FAM83G: variants seen among roughly 807,000 people sequenced by gnomAD.
FAM83G encodes scaffolding CK1 anchoring protein G, also known as protein FAM83G.
A neutral mutation model predicts 61.5 loss-of-function variants in FAM83G; 38 were observed. The observed-to-expected ratio is 0.62, with a 90% CI of 0.48 to 0.81. The LOEUF is 0.81. Ranked by LOEUF, FAM83G falls within the 30% of genes least tolerant of loss-of-function variation. The pLI is 0.00. For missense variants in FAM83G, 989 were observed against 1,133.6 expected (o/e 0.87, Z 1.83); for synonymous variants, 470 against 476.1 (o/e 0.99, Z 0.17).
intron 3 of FAM83G, among the ~76,000 whole-genome samples, chr17:18,983,714 G>A (rs2043194691): frequency 6.6e-6 from 1 of 152,212 alleles, no homozygotes; most frequent in Non-Finnish European, 1.5e-5. Flanking sequence ...AGGGTGGAGA[G>A]GGGTGGTCAA....
chr17:18,977,285 A>G (rs2043004207), intron 5 of FAM83G: 1 of 579,130 alleles, frequency 1.7e-6, no homozygotes, highest in African/African-American at 1.9e-5. Flanking sequence ...CCCATCTGGC[A>G]GGTGCCATCA....
intron 5 of FAM83G, chr17:18,976,976 C>T (rs61738464): frequency 8.1e-5 from 131 of 1,612,712 alleles, no homozygotes; most frequent in African/African-American, 6.9e-4. Context: ...TGATCAGCCG[C>T]GCATTGTTCC....
At chr17:18,979,415 T>C in intron 4 of FAM83G, 134 bp downstream of exon 4, 1 of 1,065,306 alleles carries the variant, frequency 9.4e-7, no homozygotes, top group Non-Finnish European at 1.3e-6. Flanking sequence ...CGGGCAGATG[T>C]GCTCCAGCCC....
chr17:18,972,897 A>T (rs572301582), intron 5 of FAM83G, among the ~76,000 whole-genome samples: 3 of 150,990 alleles, frequency 2.0e-5, no homozygotes, highest in Admixed American at 1.3e-4. Flanking sequence ...ACAGACCCCA[A>T]CTAGGAGCTA....
At chr17:18,997,542 C>T (rs2043598383) in intron 2 of FAM83G, among the ~76,000 whole-genome samples, 1 of 152,220 alleles carries the variant, frequency 6.6e-6, no homozygotes, top group Non-Finnish European at 1.5e-5. Context: ...TTTAAAACCT[C>T]AGCTTCTCCA....
upstream of FAM83G, among the ~76,000 whole-genome samples, chr17:19,005,804 AG>A (rs1433360568): frequency 6.6e-6 from 1 of 152,164 alleles, no homozygotes; most frequent in Admixed American, 6.5e-5. Flanking sequence ...TCTGCCATAT[AG>A]CCCCCCAAGG....
At position 18,996,275 on chromosome 17, in the gene FAM83G, C is replaced by A. The variant is rs899241748; in HGVS notation, c.522+7245G>T. 1.3e-5 allele frequency among the ~76,000 whole-genome samples: 2 copies of A among 152,188 alleles called. No individual in the cohort carries two copies. The highest frequency in any genetic ancestry group is 4.8e-5 in the African/African-American group (2 of 41,436). On this transcript the variant is annotated intron_variant, in intron 2 of 5. Transcript: ENST00000388995. The surrounding 1 kb of genome is among the most constrained non-coding windows in gnomAD (Gnocchi z 4.4). Reference sequence around the variant, plus strand: ...AGACCCGCACTCCCTCCTCCAGCTGCAACCCCCTCCTCCAGCAGCACGGTT... The same window carrying A: ...AGACCCGCACTCCCTCCTCCAGCTGAAACCCCCTCCTCCAGCAGCACGGTT...
intron 3 of FAM83G, among the ~76,000 whole-genome samples, chr17:18,984,985 G>A (rs956786141): frequency 6.6e-6 from 1 of 152,238 alleles, no homozygotes; most frequent in Non-Finnish European, 1.5e-5. Context: ...CTCACCTGGG[G>A]ACCAGGAGTG....
chr17:19,003,661 GGAGCGGTCC>G lies in FAM83G; in HGVS notation c.372_380del (p.Asp125_Ser127del), dbSNP rs1485423175. 1 of 1,611,804 alleles carries G rather than the reference GGAGCGGTCC, an allele frequency of 6.2e-7. No individual in the cohort carries two copies. The highest frequency in any genetic ancestry group is 8.5e-7 in the Non-Finnish European group (1 of 1,179,414). On this transcript the variant is annotated inframe_deletion, in exon 2 of 6. Transcript: ENST00000388995. This position sits in a 1 kb window ranked among gnomAD's most constrained non-coding sequence, Gnocchi z 4.5. The stretch of plus-strand genomic sequence containing the variant: ...GCCAGCCCAGGTCCAGCTGCGGGAT[GGAGCGGTCC>G]GACTTCTGGGGCCAGTACTCCAGGG...
Position 18,994,188 on chromosome 17 carries a change from C to A in FAM83G, c.523-5774G>T, listed in dbSNP as rs1339416605. On this transcript the variant is annotated intron_variant, in intron 2 of 5. Transcript: ENST00000388995. ...GATGGAATAACAGAGACGGAATTCA[C>A]CCCCTGCCTTAGCAATAAAAAACCC... 3.9e-5 allele frequency among the ~76,000 whole-genome samples: 6 copies of A among 152,334 alleles called. No individual in the cohort carries two copies. In the South Asian group the frequency reaches 6.2e-4, roughly 16 times the overall value.
Position 18,977,026 on chromosome 17 carries a change from G to A in FAM83G, c.2082+558C>T, listed in dbSNP as rs781271717. 18 of 1,605,732 alleles carry A rather than the reference G, an allele frequency of 1.1e-5. No individual in the cohort carries two copies. The East Asian group carries it at 4.0e-4, about 36-fold the overall frequency. ...TCCGGGCACTGAACCCAGGCTGCAG[G>A]GCACCCAGGGTTCTGGGACCTTGTC... On this transcript the variant is annotated intron_variant, in intron 5 of 5. Transcript: ENST00000388995.
chr17:18,982,531 C>G (rs1351828679), intron 3 of FAM83G, among the ~76,000 whole-genome samples: 2 of 152,242 alleles, frequency 1.3e-5, no homozygotes, highest in African/African-American at 2.4e-5. Flanking sequence ...TTTGGACCCT[C>G]TGGGACCTCA....
intron 2 of FAM83G, among the ~76,000 whole-genome samples, chr17:18,997,391 C>T (rs891190388): frequency 1.8e-4 from 28 of 152,218 alleles, no homozygotes; most frequent in Non-Finnish European, 4.4e-5. Context: ...TCCCGCTGGC[C>T]GCAAGGAGCT....
Position 18,969,641 on chromosome 17 carries a change from G to A in FAM83G, c.*1718C>T, listed in dbSNP as rs535925613. 3.6e-5 allele frequency: 18 copies of A among 502,434 alleles called. No individual in the cohort carries two copies. The highest frequency in any genetic ancestry group is 2.4e-4 in the South Asian group (7 of 29,070). The allele number at this position is 502,434 out of a possible 1,614,324, so 31.1% of individuals were successfully genotyped here. On this transcript the variant is annotated 3_prime_UTR_variant, in exon 6 of 6. Transcript: ENST00000388995. ...TAGAGGCTACCCACCCTGCTGCCCC[G>A]CTGTTACCAGCTCTGGCCCTGGCAA...
At chr17:18,989,020 G>A (rs904402122) in intron 2 of FAM83G, among the ~76,000 whole-genome samples, 7 of 152,338 alleles carry the variant, frequency 4.6e-5, no homozygotes, top group South Asian at 2.1e-4. Context: ...GGCCCCAGTG[G>A]GGCTCAGTGA....
At position 19,004,644 on chromosome 17, in the gene FAM83G, C is replaced by A. The variant is rs1403159560; in HGVS notation, c.-129+65G>T. Reference sequence around the variant, plus strand: ...GAGGGGTCCAGGAGACCCAGAAACGCGGTTGCGGGGCGGCGACGCCCCGCG... The same window carrying A: ...GAGGGGTCCAGGAGACCCAGAAACGAGGTTGCGGGGCGGCGACGCCCCGCG... On this transcript the variant is annotated intron_variant, in intron 1 of 5. Transcript: ENST00000388995. This position sits in a 1 kb window ranked among gnomAD's most constrained non-coding sequence, Gnocchi z 5.4. 6.6e-6 allele frequency: 1 copy of A among 151,534 alleles called. No individual in the cohort carries two copies. Among genetic ancestry groups the A allele is most frequent in the Non-Finnish European group, 1.5e-5 (1 of 67,816 alleles). The allele number at this position is 151,534 out of a possible 1,614,324, so 9.4% of individuals were successfully genotyped here.
At chr17:18,972,867 T>TAAA (rs35947526) in intron 5 of FAM83G, among the ~76,000 whole-genome samples, 4 of 137,818 alleles carry the variant, frequency 2.9e-5, no homozygotes, top group African/African-American at 8.2e-5. Flanking sequence ...AGACTCCGTC[T>TAAA]AAAAAAAAAA....
At chr17:18,976,548 C>T (rs2042985008) in intron 5 of FAM83G, 1 of 362,676 alleles carries the variant, frequency 2.8e-6, no homozygotes, top group Non-Finnish European at 5.0e-6. Flanking sequence ...CCAGGGTCTC[C>T]TCCAGCCCTG....
intron 5 of FAM83G, chr17:18,975,905 T>C (rs2042964143): frequency 6.6e-6 from 1 of 151,864 alleles, no homozygotes; most frequent in Non-Finnish European, 1.5e-5. Flanking sequence ...GTAACTCTTT[T>C]GGGCTGGGCA....
Sources: gnomAD v4.1 joint callset for allele counts (sites outside exome capture counted in the v4.1 genomes callset) on GRCh38, gnomAD v4.1.1 for gene constraint, Gnocchi (gnomAD v3.1) non-coding constraint, MANE v1.5 for transcripts, NCBI Gene and HGNC (gene_info 2026-07-23, HGNC 2026-07-21) for gene names.